Variants in DMD observed in about 807,000 individuals in gnomAD.
DMD encodes the protein mutant dystrophin.
A neutral mutation model predicts 330.1 loss-of-function variants in DMD; 63 were observed. The observed-to-expected ratio is 0.19, with a 90% CI of 0.16 to 0.24. The LOEUF (loss-of-function observed/expected upper bound fraction) is 0.24. Among genes scored for constraint, DMD ranks in the 10% least tolerant of loss-of-function variants. The probability of loss-of-function intolerance (pLI) is 1.00; values close to 1 mark genes in which losing one functional copy is unlikely to be tolerated. For synonymous variants in DMD, 1,223 were observed against 959.8 expected, an observed-to-expected ratio of 1.27 and a Z score of -5.07; for missense variants, 3,344 against 2,684.1, an observed-to-expected ratio of 1.25 and a Z score of -5.43.
chrX:31,944,292 A>G (rs1404194722), intron 45 of DMD, among the ~76,000 whole-genome samples: 1 of 111,869 alleles, frequency 8.9e-6, no homozygotes, highest in East Asian at 2.8e-4. Context: ...GCAGAAACAG[A>G]TATAAGAACC....
intron 1 of DMD, among the ~76,000 whole-genome samples, chrX:33,114,509 T>C (rs184194673): frequency 2.1e-3 from 237 of 111,630 alleles, no homozygotes; most frequent in African/African-American, 7.2e-3. Context: ...TGTATTTCCA[T>C]TTATAGTAAC....
At chrX:32,747,707 G>T (rs768012589) in intron 7 of DMD, among the ~76,000 whole-genome samples, 30 of 110,343 alleles carry the variant, frequency 2.7e-4, no homozygotes, top group African/African-American at 8.2e-4. Flanking sequence ...TGGAACTCCT[G>T]GGCTGAAGGG....
intron 51 of DMD, among the ~76,000 whole-genome samples, chrX:31,765,061 TC>T (rs1569369223): frequency 9.1e-6 from 1 of 110,412 alleles, no homozygotes; most frequent in Non-Finnish European, 1.9e-5. Context: ...TTTTTTTTTT[TC>T]AAAAACAATG....
intron 2 of DMD, among the ~76,000 whole-genome samples, chrX:32,909,970 T>C (rs1329265262): frequency 8.9e-6 from 1 of 111,994 alleles, no homozygotes; most frequent in Admixed American, 9.5e-5. Flanking sequence ...GACTCAGGCA[T>C]ATAACTTGTG....
rs754046771 is a variant in DMD, at chrX:32,509,713, T to C, written c.2293-7871A>G. On this transcript the variant is annotated intron_variant, in intron 18 of 78. Transcript: ENST00000357033. The stretch of plus-strand genomic sequence containing the variant: ...TTTCTTCTTAGAAGTATTTGCTAAT[T>C]TGGCTTCACGTACTACTTGAACACA... Among the ~76,000 whole-genome samples the C allele has an allele frequency of 9.8e-5, 11 of 111,966 alleles. No individual in the cohort carries two copies. In the South Asian group the frequency reaches 3.4e-3, roughly 35 times the overall value.
intron 55 of DMD, among the ~76,000 whole-genome samples, chrX:31,618,689 C>T (rs746256148): frequency 1.8e-5 from 2 of 111,435 alleles, no homozygotes; most frequent in Non-Finnish European, 3.8e-5. Flanking sequence ...TCTATATATT[C>T]GGGTTGAGCA....
intron 16 of DMD, among the ~76,000 whole-genome samples, chrX:32,557,116 A>G (rs998744858): frequency 2.7e-5 from 3 of 111,436 alleles, no homozygotes; most frequent in African/African-American, 9.8e-5. Flanking sequence ...AAGAGTAAGT[A>G]CTAATATTAT....
chrX:32,048,127 A>G (rs2096076372), intron 44 of DMD, among the ~76,000 whole-genome samples: 1 of 98,927 alleles, frequency 1.0e-5, no homozygotes, highest in African/African-American at 3.7e-5. Context: ...TATTAAGTGT[A>G]TGATATAATG....
intron 49 of DMD, among the ~76,000 whole-genome samples, chrX:31,829,570 A>C (rs1487198993): frequency 9.0e-6 from 1 of 111,542 alleles, no homozygotes; most frequent in African/African-American, 3.3e-5. Context: ...TCTATCATTA[A>C]GACAAGGAAA....
At chrX:32,678,467 G>A (rs1267291973) in intron 9 of DMD, among the ~76,000 whole-genome samples, 3 of 110,844 alleles carry the variant, frequency 2.7e-5, no homozygotes, top group Non-Finnish European at 5.7e-5. Flanking sequence ...ACAGATAAAA[G>A]TCAGACTGAT....
intron 45 of DMD, among the ~76,000 whole-genome samples, chrX:31,939,874 C>T (rs1330039183): frequency 8.9e-6 from 1 of 111,775 alleles, no homozygotes; most frequent in Non-Finnish European, 1.9e-5. Context: ...TGACAAACTA[C>T]CTTGACAAAT....
At chrX:32,510,476 G>T (rs771193741) in intron 18 of DMD, among the ~76,000 whole-genome samples, 116 of 111,466 alleles carry the variant, frequency 1.0e-3, no homozygotes, top group Non-Finnish European at 1.6e-3. Context: ...TATTAGTCTT[G>T]CTTCATTTCC....
rs191521516 is a variant in DMD, at chrX:32,092,150, A to G, written c.6439-123636T>C. On this transcript the variant is annotated intron_variant, in intron 44 of 78. Transcript: ENST00000357033. ...TGGGTTCAATTTCCAGTGGTTTAAA[A>G]GATTTCTTGGAGTTAGGTTGTGCAT... Among the ~76,000 whole-genome samples, 14 of 111,737 alleles carry G rather than the reference A, an allele frequency of 1.3e-4. No individual in the cohort carries two copies. In the East Asian group the frequency reaches 3.9e-3, roughly 32 times the overall value.
At chrX:32,558,093 A>C (rs2050529967) in intron 16 of DMD, among the ~76,000 whole-genome samples, 1 of 111,281 alleles carries the variant, frequency 9.0e-6, no homozygotes, top group African/African-American at 3.3e-5. Context: ...TAAATATTAT[A>C]TGATAATTAA....
At chrX:32,238,471 GAGAA>G (rs1463585986) in intron 43 of DMD, among the ~76,000 whole-genome samples, 3 of 110,380 alleles carry the variant, frequency 2.7e-5, no homozygotes, top group African/African-American at 9.9e-5. Flanking sequence ...GAGAGAGAGA[GAGAA>G]AGAGAGACAC....
chrX:32,054,086 TGTGAGAGAGAGAGAGA>T (rs2096141178), intron 44 of DMD, among the ~76,000 whole-genome samples: 4 of 79,019 alleles, frequency 5.1e-5, no homozygotes, highest in Admixed American at 1.4e-4. Context: ...TGTGTGTGTG[TGTGAGAGAGAGAGAGA>T]GAGAGAGAGA....
chrX:32,431,622 CTAATA>C (rs2098238689), intron 29 of DMD, among the ~76,000 whole-genome samples: 1 of 111,096 alleles, frequency 9.0e-6, no homozygotes, highest in South Asian at 3.7e-4. Flanking sequence ...TTTCTTTCAA[CTAATA>C]TGTTTATATA....
At chrX:31,384,065 C>G (rs1414372440) in intron 60 of DMD, among the ~76,000 whole-genome samples, 1 of 111,505 alleles carries the variant, frequency 9.0e-6, no homozygotes, top group Non-Finnish European at 1.9e-5. Flanking sequence ...CTGTAACACT[C>G]CTTCTGGGGA....
At chrX:33,023,704 A>G (rs1169971203) in intron 1 of DMD, among the ~76,000 whole-genome samples, 1 of 111,962 alleles carries the variant, frequency 8.9e-6, no homozygotes, top group Non-Finnish European at 1.9e-5. Flanking sequence ...AATTGGAATG[A>G]GATAATTATA....
Sources: gnomAD v4.1 joint callset for allele counts (sites outside exome capture counted in the v4.1 genomes callset) on GRCh38, gnomAD v4.1.1 for gene constraint, MANE v1.5 for transcripts, NCBI Gene and HGNC (gene_info 2026-07-23, HGNC 2026-07-21) for gene names.